Variants in FBN2 observed in about 807,000 individuals in gnomAD.
FBN2 encodes the protein fibrillin-2.
In FBN2, 105 loss-of-function variants were observed where a neutral mutation model predicts 355.6. The observed-to-expected ratio is 0.30, with a 90% CI of 0.25 to 0.35. The LOEUF (loss-of-function observed/expected upper bound fraction) is 0.35, where lower values mean the gene tolerates loss of function less well. Ranked by LOEUF, FBN2 falls within the 10% of genes least tolerant of loss-of-function variation. The pLI is 1.00. For synonymous variants in FBN2, 1,350 were observed against 1,301.2 expected (o/e 1.04, Z -0.81); for missense variants, 3,280 against 3,758.7 (o/e 0.87, Z 3.33).
chr5:128,334,492 CTG>C (rs1750781410), intron 31 of FBN2, among the ~76,000 whole-genome samples: 1 of 152,180 alleles, frequency 6.6e-6, no homozygotes, highest in East Asian at 1.9e-4. Flanking sequence ...CTCACTCACT[CTG>C]TCACAGCCCA....
intron 6 of FBN2, among the ~76,000 whole-genome samples, chr5:128,457,251 G>GA (rs1484538673): frequency 3.9e-5 from 6 of 151,914 alleles, no homozygotes; most frequent in Admixed American, 3.3e-4. Flanking sequence ...CAAGAATAGA[G>GA]AAAAAAGAAT....
intron 9 of FBN2, among the ~76,000 whole-genome samples, chr5:128,393,667 T>C (rs546570119): frequency 7.9e-5 from 12 of 152,390 alleles, no homozygotes; most frequent in African/African-American, 2.9e-4. Flanking sequence ...CAGACATAAT[T>C]ATAAATACAG....
At chr5:128,485,921 C>T (rs1159319881) in intron 5 of FBN2, among the ~76,000 whole-genome samples, 5 of 152,078 alleles carry the variant, frequency 3.3e-5, no homozygotes, top group Non-Finnish European at 7.4e-5. Flanking sequence ...TAAAAGATCC[C>T]TTTCTTAATT....
In FBN2 at chr5:128,311,442, A is replaced by G. The variant is rs2126846281; in HGVS notation, c.4949-17T>C. On this transcript the variant is annotated splice_polypyrimidine_tract_variant and intron_variant, in intron 38 of 64. Transcript: ENST00000262464. ...CGTCAATGTCTACAAAAAGGGAGAC[A>G]GTGCACTTAAAACAAACACCTTCAC... The G allele has an allele frequency of 3.1e-6, 5 of 1,613,436 alleles. No homozygotes were observed. The highest frequency in any genetic ancestry group is 4.2e-6 in the Non-Finnish European group (5 of 1,179,382).
At chr5:128,388,090 T>C (rs1021107791) in intron 11 of FBN2, among the ~76,000 whole-genome samples, 14 of 152,222 alleles carry the variant, frequency 9.2e-5, no homozygotes, top group African/African-American at 2.9e-4. Flanking sequence ...TTTATTATTA[T>C]GTAATGGCCT....
chr5:128,269,516 A>C (rs895072352), intron 62 of FBN2, among the ~76,000 whole-genome samples: 1 of 151,882 alleles, frequency 6.6e-6, no homozygotes, highest in African/African-American at 2.4e-5. Flanking sequence ...CAAGCTGATA[A>C]GCAACTTCAG....
intron 32 of FBN2, 57 bp downstream of exon 32, chr5:128,332,855 A>G: frequency 6.4e-7 from 1 of 1,570,288 alleles, no homozygotes; most frequent in South Asian, 1.1e-5. Flanking sequence ...AACCATGCAA[A>G]AAAGAGCCTT....
At chr5:128,520,015 A>C (rs1181258760) in intron 4 of FBN2, among the ~76,000 whole-genome samples, 1 of 152,204 alleles carries the variant, frequency 6.6e-6, no homozygotes, top group Admixed American at 6.5e-5. Flanking sequence ...TAGAAGAAAA[A>C]AAGGGAAAAA....
At chr5:128,266,966 C>T (rs1259470589) in intron 62 of FBN2, among the ~76,000 whole-genome samples, 5 of 151,714 alleles carry the variant, frequency 3.3e-5, no homozygotes, top group African/African-American at 1.2e-4. Context: ...AGGTTACCTC[C>T]CCTCGCCCCC....
chr5:128,421,203 A>G (rs1753342951), intron 7 of FBN2, among the ~76,000 whole-genome samples: 1 of 152,176 alleles, frequency 6.6e-6, no homozygotes, highest in South Asian at 2.1e-4. Flanking sequence ...ACTGTAGGCA[A>G]TGAGGAGTGA....
intron 7 of FBN2, among the ~76,000 whole-genome samples, chr5:128,418,139 T>A (rs1177961668): frequency 6.6e-6 from 1 of 152,166 alleles, no homozygotes; most frequent in Admixed American, 6.5e-5. Context: ...TCTTTAATAA[T>A]CTTTTGCATT....
intron 56 of FBN2, among the ~76,000 whole-genome samples, chr5:128,279,221 T>C (rs1765472278): frequency 1.3e-5 from 2 of 152,182 alleles, no homozygotes; most frequent in Admixed American, 6.5e-5. Context: ...GACTATATTT[T>C]ATGAGCTTGG....
At chr5:128,316,327 T>A (rs1750200498) in intron 36 of FBN2, among the ~76,000 whole-genome samples, 2 of 152,234 alleles carry the variant, frequency 1.3e-5, no homozygotes, top group South Asian at 4.1e-4. Context: ...ACAGCTAGGA[T>A]GATAAAACGT....
chr5:128,310,142 A>G, intron 39 of FBN2, 34 bp from the exon 40 acceptor site: 4 of 1,556,658 alleles, frequency 2.6e-6, no homozygotes, highest in Non-Finnish European at 3.5e-6. Context: ...TAATTAATAA[A>G]TCTATTTTTT....
chr5:128,318,771 A>G, intron 35 of FBN2, 108 bp downstream of exon 35: 1 of 1,123,462 alleles, frequency 8.9e-7, no homozygotes, highest in Non-Finnish European at 1.3e-6. Flanking sequence ...AAAAATGTGT[A>G]ACCTAATGCA....
At chr5:128,339,981 T>G (rs998909027) in intron 25 of FBN2, among the ~76,000 whole-genome samples, 1 of 151,748 alleles carries the variant, frequency 6.6e-6, no homozygotes, top group African/African-American at 2.4e-5. Flanking sequence ...ACCTGAGGAC[T>G]GTGTGGGTGA....
At position 128,375,685 on chromosome 5, in the gene FBN2, T is replaced by C. The variant is rs188346383; in HGVS notation, c.1973-935A>G. 1.6e-3 allele frequency among the ~76,000 whole-genome samples: 243 copies of C among 152,244 alleles called. 2 individuals are homozygous for C. The highest frequency in any genetic ancestry group is 2.7e-3 in the Non-Finnish European group (187 of 68,010). On this transcript the variant is annotated intron_variant, in intron 14 of 64. Coordinates refer to ENST00000262464, the MANE Select transcript of FBN2 (RefSeq NM_001999.4). The stretch of plus-strand genomic sequence containing the variant: ...TGGTACTTAGATTAAGTTTGTGCAA[T>C]TGAAGGCAGAACATCATTGATGGAG...
chr5:128,445,167 T>C (rs965668415), intron 7 of FBN2, among the ~76,000 whole-genome samples: 15 of 152,202 alleles, frequency 9.9e-5, no homozygotes, highest in Admixed American at 9.8e-4. Context: ...ATTTAAGTAG[T>C]ATAAGACACT....
At chr5:128,462,135 A>G (rs879562764) in intron 6 of FBN2, among the ~76,000 whole-genome samples, 1 of 152,162 alleles carries the variant, frequency 6.6e-6, no homozygotes, top group East Asian at 1.9e-4. Context: ...GGATATCATT[A>G]TCTTCCAAAC....
Sources: gnomAD v4.1 joint callset for allele counts (sites outside exome capture counted in the v4.1 genomes callset) on GRCh38, gnomAD v4.1.1 for gene constraint, MANE v1.5 for transcripts, NCBI Gene and HGNC (gene_info 2026-07-23, HGNC 2026-07-21) for gene names.